The following RFX3 variants were observed in gnomAD, a reference collection of about 807,000 sequenced individuals.
RFX3 encodes transcription factor RFX3.
A neutral mutation model predicts 98.6 loss-of-function variants in RFX3; 14 were observed. That is an observed-to-expected ratio of 0.14 (90% confidence interval 0.09 to 0.22). The LOEUF is 0.22. Ranked by LOEUF, RFX3 falls within the 10% of genes least tolerant of loss-of-function variation. The pLI is 1.00. For missense variants in RFX3, 639 were observed against 926.9 expected (o/e 0.69, Z 4.03); for synonymous variants, 383 against 328.4 (o/e 1.17, Z -1.80).
intron 1 of RFX3, chr9:3,420,984 G>T: frequency 6.5e-6 from 5 of 767,936 alleles, no homozygotes; most frequent in Non-Finnish European, 7.9e-6. Context: ...AATGAAATCT[G>T]TGGACTCTCA....
intron 10 of RFX3, 54 bp downstream of exon 10, chr9:3,270,949 G>C (rs751813750): frequency 6.2e-7 from 1 of 1,612,190 alleles, no homozygotes; most frequent in South Asian, 1.1e-5. Context: ...TAATTTATTA[G>C]TTGTGACATC....
chr9:3,464,786 T>C (rs569789628), intron 1 of RFX3, among the ~76,000 whole-genome samples: 15 of 152,312 alleles, frequency 9.8e-5, no homozygotes, highest in African/African-American at 2.9e-4. Flanking sequence ...ATAAAGCTGA[T>C]TTAACAAATA....
intron 2 of RFX3, among the ~76,000 whole-genome samples, chr9:3,373,751 AAG>A (rs1177232277): frequency 1.2e-4 from 18 of 152,080 alleles, no homozygotes; most frequent in African/African-American, 3.9e-4. Context: ...AAAGATTAGG[AAG>A]AGAGAAAGAA....
chr9:3,495,655 C>T (rs553745829), intron 1 of RFX3, among the ~76,000 whole-genome samples: 9 of 152,138 alleles, frequency 5.9e-5, no homozygotes, highest in Non-Finnish European at 8.8e-5. Flanking sequence ...TTTCCCCTGG[C>T]TCTAAAAGTA....
intron 1 of RFX3, among the ~76,000 whole-genome samples, chr9:3,521,240 G>C (rs957402064): frequency 3.9e-5 from 6 of 152,052 alleles, no homozygotes; most frequent in African/African-American, 1.4e-4. Flanking sequence ...ATCTACATAA[G>C]ATAATCAACA....
At chr9:3,500,493 G>A (rs1046523229) in intron 1 of RFX3, among the ~76,000 whole-genome samples, 4 of 152,038 alleles carry the variant, frequency 2.6e-5, no homozygotes, top group Non-Finnish European at 5.9e-5. Flanking sequence ...AGAAAAAAAA[G>A]TTCTTAAAAG....
chr9:3,233,344 T>C (rs16916097), intron 15 of RFX3, among the ~76,000 whole-genome samples: 5,243 of 152,286 alleles, frequency 0.034, 154 homozygotes, highest in African/African-American at 0.078. Context: ...TACCTGAGCA[T>C]ACTGAGAGGA....
chr9:3,233,698 T>C (rs1488452525), intron 15 of RFX3, among the ~76,000 whole-genome samples: 4 of 152,214 alleles, frequency 2.6e-5, no homozygotes, highest in Non-Finnish European at 5.9e-5. Context: ...ATTTATGTTA[T>C]ACGTATCATT....
intron 5 of RFX3, among the ~76,000 whole-genome samples, chr9:3,297,232 C>T (rs372936331): frequency 7.2e-5 from 11 of 152,062 alleles, no homozygotes; most frequent in African/African-American, 2.6e-4. Flanking sequence ...ATATCTTTTG[C>T]TCTTTTATAA....
At chr9:3,472,712 T>C (rs1848880444) in intron 1 of RFX3, among the ~76,000 whole-genome samples, 1 of 152,190 alleles carries the variant, frequency 6.6e-6, no homozygotes, top group African/African-American at 2.4e-5. Context: ...ATTTTGTCAG[T>C]GAAATGATTG....
In RFX3 at chr9:3,364,212, G is replaced by C. The variant is rs551565127; in HGVS notation, c.118-17448C>G. The C allele has an allele frequency of 1.3e-4, 21 of 155,654 alleles. 1 individual carries two copies. In the South Asian group the frequency reaches 4.0e-3, roughly 29 times the overall value. 9.6% of individuals were successfully genotyped at this position (155,654 alleles called of 1,614,324 possible). A position where few individuals can be genotyped will look rare whatever the true frequency, so the allele number is the denominator to read the frequency against. Reference sequence around the variant, plus strand: ...CTTTAAAATCATTCTGTTTTTTCAAGGACAAGGTCTCAGCATTTACCATCT... The same window carrying C: ...CTTTAAAATCATTCTGTTTTTTCAACGACAAGGTCTCAGCATTTACCATCT... On this transcript the variant is annotated intron_variant, in intron 2 of 16. Transcript: ENST00000617270.
chr9:3,337,508 G>A (rs1833326491), intron 3 of RFX3, among the ~76,000 whole-genome samples: 1 of 152,164 alleles, frequency 6.6e-6, no homozygotes, highest in Non-Finnish European at 1.5e-5. Flanking sequence ...TCTAAACAAG[G>A]AGCTAGGGGC....
intron 1 of RFX3, among the ~76,000 whole-genome samples, chr9:3,430,837 A>AC (rs1289730239): frequency 2.6e-5 from 4 of 152,194 alleles, no homozygotes; most frequent in African/African-American, 9.7e-5. Flanking sequence ...AGAAATATCA[A>AC]AAAATTAAGA....
chr9:3,518,861 G>A (rs977486668), intron 1 of RFX3, among the ~76,000 whole-genome samples: 2 of 152,048 alleles, frequency 1.3e-5, no homozygotes, highest in South Asian at 4.2e-4. Context: ...ATTATTTATT[G>A]CTGTAGGTAC....
intron 1 of RFX3, among the ~76,000 whole-genome samples, chr9:3,426,544 G>A (rs1844053789): frequency 6.6e-6 from 1 of 152,052 alleles, no homozygotes; most frequent in Non-Finnish European, 1.5e-5. Flanking sequence ...TGAGCAGCAG[G>A]TGAGCCAGTG....
intron 2 of RFX3, among the ~76,000 whole-genome samples, chr9:3,363,293 A>C (rs146780731): frequency 3.3e-5 from 5 of 152,336 alleles, no homozygotes; most frequent in Non-Finnish European, 5.9e-5. Flanking sequence ...CAATAAATGT[A>C]TGCAGCACAT....
chr9:3,307,939 A>C (rs1829522814), intron 4 of RFX3, among the ~76,000 whole-genome samples: 1 of 151,792 alleles, frequency 6.6e-6, no homozygotes, highest in Middle Eastern at 3.2e-3. Flanking sequence ...GCCTTTTTTT[A>C]CTTAATGGTA....
intron 3 of RFX3, among the ~76,000 whole-genome samples, chr9:3,342,072 G>A (rs536735003): frequency 3.9e-5 from 6 of 152,248 alleles, no homozygotes; most frequent in African/African-American, 1.2e-4. Flanking sequence ...ATAATTAGAT[G>A]ACTTCAAAAA....
intron 1 of RFX3, among the ~76,000 whole-genome samples, chr9:3,413,123 C>T (rs948134967): frequency 6.7e-6 from 1 of 149,156 alleles, no homozygotes; most frequent in African/African-American, 2.5e-5. Context: ...ATAGCAAGAT[C>T]GATTTTTTTT....
Sources: gnomAD v4.1 joint callset for allele counts (sites outside exome capture counted in the v4.1 genomes callset) on GRCh38, gnomAD v4.1.1 for gene constraint, MANE v1.5 for transcripts, NCBI Gene and HGNC (gene_info 2026-07-23, HGNC 2026-07-21) for gene names.